Variants in MTUS2 observed in about 807,000 individuals in gnomAD.
MTUS2 encodes microtubule-associated tumor suppressor candidate 2.
MTUS2 carries 40 observed loss-of-function variants against 114.1 expected under a neutral mutation model. The ratio of observed to expected loss-of-function variants is 0.35; its 90% confidence interval spans 0.27 to 0.46. The LOEUF (loss-of-function observed/expected upper bound fraction) is 0.46. Ranked by LOEUF, MTUS2 falls within the 20% of genes least tolerant of loss-of-function variation. MTUS2 has a pLI of 1.00. For missense variants in MTUS2, 1,679 were observed against 1,705.4 expected, an observed-to-expected ratio of 0.98 and a Z score of 0.27; for synonymous variants, 688 against 672.0, an observed-to-expected ratio of 1.02 and a Z score of -0.37.
In MTUS2 at chr13:29,383,250, G is replaced by GTATATATATATATATATTTATTTATTTA. The variant is rs763660299; in HGVS notation, c.3117+23778_3117+23779insATATATATATATATATTTATTTATTTAT. 3.5e-3 allele frequency among the ~76,000 whole-genome samples: 224 copies of GTATATATATATATATATTTATTTATTTA among 64,450 alleles called. 2 individuals are homozygous for GTATATATATATATATATTTATTTATTTA. The highest frequency in any genetic ancestry group is 0.027 in the East Asian group (49 of 1,792). The allele number at this position is 64,450 out of a possible 152,430, so 42.3% of individuals were successfully genotyped here. A position where few individuals can be genotyped will look rare whatever the true frequency, so the allele number is the denominator to read the frequency against. On this transcript the variant is annotated intron_variant, in intron 8 of 15. Transcript: ENST00000612955. ...TGTGTGTGTGTGTGTGTGTGTGTGTGTGTATTTATTTTTCTCATGCAGGTC... is the reference window on the plus strand; with the variant it reads ...TGTGTGTGTGTGTGTGTGTGTGTGTGTATATATATATATATATTTATTTATTTATGTATTTATTTTTCTCATGCAGGTC...
intron 6 of MTUS2, among the ~76,000 whole-genome samples, chr13:29,293,810 A>G (rs1245145852): frequency 6.6e-6 from 1 of 152,178 alleles, no homozygotes; most frequent in East Asian, 1.9e-4. Context: ...ACATGTCATT[A>G]AAGGTAGAAA....
rs148764891 is a variant in MTUS2, at chr13:29,284,697, G to A, written c.2806+2832G>A. On this transcript the variant is annotated intron_variant, in intron 6 of 15. Transcript: ENST00000612955. ...TTGCAACGAAAATCTGAAATTATTG[G>A]TGGTGGTGTTAGTACTGTGATTCTG... is the stretch of plus-strand genomic sequence containing the variant. Among the ~76,000 whole-genome samples, 5 of 152,326 alleles carry A rather than the reference G, an allele frequency of 3.3e-5. No homozygotes were observed. In the East Asian group the frequency reaches 5.8e-4, roughly 18 times the overall value.
At chr13:29,103,051 G>A (rs974755661) in intron 5 of MTUS2, among the ~76,000 whole-genome samples, 3 of 152,050 alleles carry the variant, frequency 2.0e-5, no homozygotes, top group African/African-American at 4.8e-5. Context: ...TATCAGAATC[G>A]GTCCTTTTTT....
intron 2 of MTUS2, among the ~76,000 whole-genome samples, chr13:28,849,937 C>G (rs1876140330): frequency 6.6e-6 from 1 of 152,150 alleles, no homozygotes; most frequent in African/African-American, 2.4e-5. Flanking sequence ...CTTACCCCCT[C>G]CAAATCCAGG....
chr13:29,162,715 A>G lies in MTUS2; in HGVS notation c.2644+61745A>G, dbSNP rs7981533. Among the ~76,000 whole-genome samples the G allele has an allele frequency of 8.4e-4, 128 of 152,372 alleles. 1 individual carries two copies. Among genetic ancestry groups the G allele is most frequent in the African/African-American group, 3.0e-3 (123 of 41,590 alleles). Reference sequence around the variant, plus strand: ...ATCGTATTTCTAGAGATAAAGAACCACATGAGTCTAATTCAGAGCATCCGT... The same window carrying G: ...ATCGTATTTCTAGAGATAAAGAACCGCATGAGTCTAATTCAGAGCATCCGT... On this transcript the variant is annotated intron_variant, in intron 5 of 15. Coordinates refer to ENST00000612955, the MANE Select transcript of MTUS2 (RefSeq NM_001033602.4).
intron 4 of MTUS2, among the ~76,000 whole-genome samples, chr13:29,093,335 C>T (rs780364238): frequency 2.6e-5 from 4 of 152,006 alleles, no homozygotes; most frequent in Non-Finnish European, 5.9e-5. Context: ...CCCAGCTATT[C>T]GAGAGGCTGA....
At chr13:29,159,454 C>G (rs911580574) in intron 5 of MTUS2, among the ~76,000 whole-genome samples, 1 of 151,908 alleles carries the variant, frequency 6.6e-6, no homozygotes, top group South Asian at 2.1e-4. Flanking sequence ...GCAAAGAATT[C>G]TTGGGTTGGG....
chr13:29,204,696 G>GT (rs1895108488), intron 5 of MTUS2, among the ~76,000 whole-genome samples: 3 of 152,252 alleles, frequency 2.0e-5, no homozygotes, highest in Non-Finnish European at 4.4e-5. Flanking sequence ...AGCTCAGGTA[G>GT]CCGCCCATGA....
chr13:29,128,166 A>G (rs1352595292), intron 5 of MTUS2, among the ~76,000 whole-genome samples: 2 of 152,242 alleles, frequency 1.3e-5, no homozygotes, highest in Non-Finnish European at 2.9e-5. Context: ...GTGAATTTGT[A>G]GAGGCATGAC....
At chr13:28,936,345 T>G (rs1881898702) in intron 2 of MTUS2, among the ~76,000 whole-genome samples, 1 of 152,200 alleles carries the variant, frequency 6.6e-6, no homozygotes, top group Non-Finnish European at 1.5e-5. Context: ...TGACTGCATG[T>G]TTTACTTGGA....
At chr13:29,373,944 G>T (rs7491421) in intron 8 of MTUS2, among the ~76,000 whole-genome samples, 30,974 of 152,148 alleles carry the variant, frequency 0.2, 3,251 homozygotes, top group Middle Eastern at 0.25. Context: ...AATGTTAAAA[G>T]TAGCTATTGC....
chr13:29,156,051 C>T (rs777383927), intron 5 of MTUS2, among the ~76,000 whole-genome samples: 3 of 152,106 alleles, frequency 2.0e-5, no homozygotes, highest in Non-Finnish European at 4.4e-5. Context: ...GTACTCTTAC[C>T]TATTGTTGCA....
rs771732564 is a variant in MTUS2 at position 29,359,318 on chromosome 13, C to T, written c.2962C>T (p.Pro988Ser). ...AAATGGGTTTCCGCCCAAGCCGGACCCGCAGGCCCGTGAGGCTGAGCGGCA... is the reference window on the plus strand; with the variant it reads ...AAATGGGTTTCCGCCCAAGCCGGACTCGCAGGCCCGTGAGGCTGAGCGGCA... ...ARNGFPPKPD[P>S]QAREAERQLV... The change falls in exon 8 of 16, where the codon CCG (proline) becomes TCG (serine). Residue 988 changes from proline to serine, a missense_variant. Physicochemically the swap from Pro to Ser is moderately conservative, Grantham distance 74. Coordinates refer to ENST00000612955, the MANE Select transcript of MTUS2 (RefSeq NM_001033602.4). The T allele has an allele frequency of 1.2e-6, 2 of 1,610,516 alleles. No homozygotes were observed. Among genetic ancestry groups the T allele is most frequent in the Non-Finnish European group, 1.7e-6 (2 of 1,178,562 alleles).
intron 6 of MTUS2, among the ~76,000 whole-genome samples, chr13:29,301,824 A>G (rs1454402255): frequency 2.0e-5 from 3 of 152,224 alleles, no homozygotes; most frequent in South Asian, 4.1e-4. Flanking sequence ...TTTATTTCTA[A>G]TAATTATGGC....
chr13:29,248,845 T>C (rs1264165804), intron 5 of MTUS2, among the ~76,000 whole-genome samples: 1 of 152,242 alleles, frequency 6.6e-6, no homozygotes, highest in African/African-American at 2.4e-5. Flanking sequence ...CCATGGTTTA[T>C]ATGTACCACA....
chr13:29,145,659 TG>T (rs1218604218), intron 5 of MTUS2, among the ~76,000 whole-genome samples: 1 of 152,068 alleles, frequency 6.6e-6, no homozygotes, highest in African/African-American at 2.4e-5. Flanking sequence ...GGACTTAGAG[TG>T]TTACCCCACC....
chr13:28,940,256 G>T (rs1473016159), intron 2 of MTUS2, among the ~76,000 whole-genome samples: 2 of 150,926 alleles, frequency 1.3e-5, no homozygotes. Flanking sequence ...GAACTGTGTT[G>T]TGTACATATG....
At chr13:29,272,008 A>G (rs1310031826) in intron 5 of MTUS2, among the ~76,000 whole-genome samples, 16 of 152,200 alleles carry the variant, frequency 1.1e-4, no homozygotes, top group Non-Finnish European at 2.9e-5. Flanking sequence ...TTTCATATCT[A>G]ACGTTTTCTC....
At chr13:29,101,363 C>A (rs1890413182) in intron 5 of MTUS2, among the ~76,000 whole-genome samples, 1 of 151,742 alleles carries the variant, frequency 6.6e-6, no homozygotes, top group South Asian at 2.1e-4. Context: ...CCTGTGATTA[C>A]CAGTAATGCC....
Sources: gnomAD v4.1 joint callset for allele counts (sites outside exome capture counted in the v4.1 genomes callset) on GRCh38, gnomAD v4.1.1 for gene constraint, MANE v1.5 for transcripts, NCBI Gene and HGNC (gene_info 2026-07-23, HGNC 2026-07-21) for gene names.